CD80: variants seen among roughly 807,000 people sequenced by gnomAD.
CD80 encodes the protein T-lymphocyte activation antigen CD80.
CD80 carries 13 observed loss-of-function variants against 27.1 expected under a neutral mutation model. That is an observed-to-expected ratio of 0.48 (90% CI 0.31 to 0.76). The LOEUF (loss-of-function observed/expected upper bound fraction) is 0.76. Among genes scored for constraint, CD80 ranks in the 30% least tolerant of loss-of-function variants. CD80 has a pLI of 0.04. For missense variants in CD80, 277 were observed against 347.9 expected, an observed-to-expected ratio of 0.80 and a Z score of 1.62; for synonymous variants, 125 against 125.5, an observed-to-expected ratio of 1.00 and a Z score of 0.03.
chr3:119,557,623 G>T lies in CD80; in HGVS notation c.100+6C>A. On this transcript the variant is annotated splice_donor_region_variant and intron_variant, in intron 2 of 6. Coordinates refer to ENST00000264246, the MANE Select transcript of CD80 (RefSeq NM_005191.4). ...TGACTCAGTTAAGTTCCTGAAAGTT[G>T]CTTACCTGAACAGAAGTGAGAAAGA... 1 of 1,607,508 alleles carries T rather than the reference G, an allele frequency of 6.2e-7. No individual in the cohort carries two copies. The highest frequency in any genetic ancestry group is 8.5e-7 in the Non-Finnish European group (1 of 1,174,782).
intron 2 of CD80, among the ~76,000 whole-genome samples, chr3:119,551,951 G>T (rs1422488146): frequency 6.6e-6 from 1 of 152,232 alleles, no homozygotes; most frequent in Non-Finnish European, 1.5e-5. Context: ...AGGGCCAGAG[G>T]CTGTGAAAGG....
intron 4 of CD80, among the ~76,000 whole-genome samples, chr3:119,531,603 C>T (rs2082111662): frequency 6.6e-6 from 1 of 152,138 alleles, no homozygotes. Context: ...CCAGGGAGTC[C>T]AAGATCCCTG....
intron 4 of CD80, among the ~76,000 whole-genome samples, chr3:119,536,048 G>A (rs1344895761): frequency 6.6e-6 from 1 of 151,834 alleles, no homozygotes; most frequent in South Asian, 2.1e-4. Flanking sequence ...TCAGGAGTTC[G>A]AGACCAGCCT....
At chr3:119,542,818 C>T (rs1228845167) in intron 3 of CD80, among the ~76,000 whole-genome samples, 1 of 152,206 alleles carries the variant, frequency 6.6e-6, no homozygotes, top group Non-Finnish European at 1.5e-5. Flanking sequence ...GTAGGACTAA[C>T]ATTAGCCACA....
chr3:119,536,634 A>T (rs1458705110), intron 4 of CD80, among the ~76,000 whole-genome samples: 6 of 152,210 alleles, frequency 3.9e-5, no homozygotes, highest in Non-Finnish European at 8.8e-5. Flanking sequence ...CACTGTGCCC[A>T]GTCTCACAGT....
chr3:119,542,180 A>G (rs919979610), intron 3 of CD80, among the ~76,000 whole-genome samples: 4 of 151,010 alleles, frequency 2.6e-5, no homozygotes, highest in African/African-American at 9.7e-5. Context: ...GCAGGTGAAA[A>G]TCGTGGAAGA....
At chr3:119,531,388 C>A (rs895657358) in intron 4 of CD80, among the ~76,000 whole-genome samples, 4 of 152,268 alleles carry the variant, frequency 2.6e-5, no homozygotes, top group Non-Finnish European at 4.4e-5. Context: ...TGATGCCCAG[C>A]CTCTCGCCAT....
chr3:119,555,002 T>C (rs2082254956), intron 2 of CD80, among the ~76,000 whole-genome samples: 1 of 152,256 alleles, frequency 6.6e-6, no homozygotes, highest in Non-Finnish European at 1.5e-5. Context: ...AAACTCAAAG[T>C]GTATGGTGGA....
chr3:119,555,195 CTG>C (rs763356738), intron 2 of CD80, among the ~76,000 whole-genome samples: 16 of 152,234 alleles, frequency 1.1e-4, no homozygotes, highest in Admixed American at 2.6e-4. Flanking sequence ...GCTTCCGCCA[CTG>C]TCTACATCCT....
rs1397933980 is a variant in CD80 at position 119,559,475 on chromosome 3, T to C, written c.-236A>G. ...AAAATTCCACTTTTTCTTTAAATCC[T>C]TTGATTTCAGGGTAAGACTCCACTT... On this transcript the variant is annotated 5_prime_UTR_variant, in exon 1 of 7. Transcript: ENST00000264246. The C allele has an allele frequency of 6.6e-6, 1 of 152,262 alleles. No homozygotes were observed. The highest frequency in any genetic ancestry group is 1.5e-5 in the Non-Finnish European group (1 of 68,050). 9.4% of individuals were successfully genotyped at this position (152,262 alleles called of 1,614,324 possible).
chr3:119,559,265 A>G (rs2082280224), intron 1 of CD80, among the ~76,000 whole-genome samples, 175 bp downstream of exon 1: 1 of 152,120 alleles, frequency 6.6e-6, no homozygotes, highest in Non-Finnish European at 1.5e-5. Context: ...TGATGCTCCA[A>G]ATATGTCGGG....
chr3:119,547,292 G>A (rs1202386358), intron 2 of CD80, among the ~76,000 whole-genome samples: 1 of 152,222 alleles, frequency 6.6e-6, no homozygotes, highest in African/African-American at 2.4e-5. Flanking sequence ...AGCACATACT[G>A]TAATTCAATG....
chr3:119,536,725 T>C (rs2082140280), intron 4 of CD80, among the ~76,000 whole-genome samples: 1 of 152,256 alleles, frequency 6.6e-6, no homozygotes, highest in Non-Finnish European at 1.5e-5. Context: ...ATACGACAAT[T>C]CTAAAATGTA....
chr3:119,540,298 G>C (rs1156790298), intron 3 of CD80, among the ~76,000 whole-genome samples: 1 of 152,208 alleles, frequency 6.6e-6, no homozygotes, highest in Non-Finnish European at 1.5e-5. Context: ...TCTTAGGTAA[G>C]CCCCCTCATT....
chr3:119,545,957 G>A (rs1388222114), intron 2 of CD80, among the ~76,000 whole-genome samples: 3 of 152,112 alleles, frequency 2.0e-5, no homozygotes, highest in Non-Finnish European at 2.9e-5. Flanking sequence ...AGTTGCACCC[G>A]CAATGCTTGT....
At chr3:119,555,561 C>A (rs1459583092) in intron 2 of CD80, among the ~76,000 whole-genome samples, 1 of 152,226 alleles carries the variant, frequency 6.6e-6, no homozygotes, top group Non-Finnish European at 1.5e-5. Context: ...GGGTCCGGTT[C>A]TTGCTCACTG....
intron 2 of CD80, among the ~76,000 whole-genome samples, chr3:119,553,062 T>G (rs2082242846): frequency 6.6e-6 from 1 of 151,262 alleles, no homozygotes; most frequent in African/African-American, 2.4e-5. Flanking sequence ...GATGGTGGTT[T>G]CACAACATTG....
At chr3:119,549,854 C>T (rs2082221794) in intron 2 of CD80, among the ~76,000 whole-genome samples, 3 of 152,116 alleles carry the variant, frequency 2.0e-5, no homozygotes, top group Non-Finnish European at 4.4e-5. Context: ...GCTATATTAG[C>T]TAAAGATCAA....
intron 2 of CD80, among the ~76,000 whole-genome samples, chr3:119,553,594 C>A (rs1386587234): frequency 6.6e-6 from 1 of 152,176 alleles, no homozygotes; most frequent in East Asian, 1.9e-4. Context: ...AGTGCCCCTC[C>A]CAGGGAGTTC....
Sources: allele counts gnomAD v4.1 joint callset (sites outside exome capture counted in the v4.1 genomes callset), GRCh38; gene constraint gnomAD v4.1.1; transcripts MANE v1.5; gene names NCBI Gene and HGNC (gene_info 2026-07-23, HGNC 2026-07-21).